Variants in PRKN observed in about 807,000 individuals in gnomAD.
PRKN encodes the protein E3 ubiquitin-protein ligase parkin.
PRKN carries 56 observed loss-of-function variants against 59.5 expected under a neutral mutation model. The observed-to-expected ratio is 0.94, with a 90% CI of 0.76 to 1.18. The LOEUF (loss-of-function observed/expected upper bound fraction) is 1.18, where lower values mean the gene tolerates loss of function less well. Ranked by LOEUF, PRKN falls within the 50% of genes most tolerant of loss-of-function variation. The probability of loss-of-function intolerance (pLI) is 0.00; values close to 1 mark genes in which losing one functional copy is unlikely to be tolerated. For synonymous variants in PRKN, 250 were observed against 222.1 expected, an observed-to-expected ratio of 1.13 and a Z score of -1.12; for missense variants, 657 against 596.4, an observed-to-expected ratio of 1.10 and a Z score of -1.06.
At chr6:161,863,150 ATTC>A (rs1793975431) in intron 6 of PRKN, among the ~76,000 whole-genome samples, 1 of 152,152 alleles carries the variant, frequency 6.6e-6, no homozygotes, top group Non-Finnish European at 1.5e-5. Flanking sequence ...GTTTTGGGAT[ATTC>A]TTCTCTATAA....
intron 1 of PRKN, among the ~76,000 whole-genome samples, chr6:162,634,608 T>C (rs1168521006): frequency 1.3e-5 from 2 of 152,050 alleles, no homozygotes; most frequent in African/African-American, 4.8e-5. Context: ...ACGAGAAGAG[T>C]GATGGACATT....
intron 4 of PRKN, among the ~76,000 whole-genome samples, chr6:162,173,244 T>C (rs984994997): frequency 6.6e-6 from 1 of 152,156 alleles, no homozygotes; most frequent in South Asian, 2.1e-4. Context: ...CTGGTCTTAC[T>C]ACAGTCATTG....
At chr6:162,600,789 T>G (rs764650601) in intron 1 of PRKN, among the ~76,000 whole-genome samples, 37 of 152,232 alleles carry the variant, frequency 2.4e-4, no homozygotes, top group Non-Finnish European at 4.3e-4. Flanking sequence ...CTATGGCCAT[T>G]TAAGATGCAC....
At chr6:161,416,818 C>T (rs1031527413) in intron 9 of PRKN, among the ~76,000 whole-genome samples, 2 of 152,266 alleles carry the variant, frequency 1.3e-5, no homozygotes, top group East Asian at 1.9e-4. Flanking sequence ...AACTGTCACC[C>T]GTCCTCCTGC....
intron 2 of PRKN, among the ~76,000 whole-genome samples, chr6:162,402,255 A>AG (rs1364369353): frequency 1.3e-5 from 2 of 152,076 alleles, no homozygotes; most frequent in East Asian, 3.9e-4. Flanking sequence ...TCTCAAAAAA[A>AG]AAAAAAAAAA....
chr6:161,734,055 A>G (rs888727468), intron 7 of PRKN, among the ~76,000 whole-genome samples: 1 of 151,630 alleles, frequency 6.6e-6, no homozygotes, highest in Admixed American at 6.6e-5. Context: ...AGTGTATCAT[A>G]AGGAAAGTTT....
intron 7 of PRKN, among the ~76,000 whole-genome samples, chr6:161,599,276 T>C (rs1261262040): frequency 6.6e-6 from 1 of 152,208 alleles, no homozygotes; most frequent in African/African-American, 2.4e-5. Context: ...AATGGATATA[T>C]TCTTGTGACT....
intron 7 of PRKN, among the ~76,000 whole-genome samples, chr6:161,662,768 C>G (rs1784592765): frequency 6.6e-6 from 1 of 152,080 alleles, no homozygotes; most frequent in Non-Finnish European, 1.5e-5. Flanking sequence ...GAAGGTAATA[C>G]AGAGTACAGG....
chr6:161,793,147 A>G (rs1391466965), intron 6 of PRKN, among the ~76,000 whole-genome samples: 1 of 152,232 alleles, frequency 6.6e-6, no homozygotes, highest in Non-Finnish European at 1.5e-5. Context: ...ACTAATTGAT[A>G]GACTCAACTT....
At chr6:162,014,271 T>G (rs993468298) in intron 5 of PRKN, among the ~76,000 whole-genome samples, 2 of 152,172 alleles carry the variant, frequency 1.3e-5, no homozygotes, top group African/African-American at 4.8e-5. Context: ...CCCTCCCACA[T>G]GGGATTCAGA....
intron 2 of PRKN, among the ~76,000 whole-genome samples, chr6:162,432,934 T>A (rs1230346293): frequency 2.0e-5 from 3 of 152,152 alleles, no homozygotes; most frequent in Non-Finnish European, 4.4e-5. Context: ...TAAACTCCAT[T>A]AGAATAGAAT....
chr6:162,214,743 C>A (rs970637721), intron 3 of PRKN, among the ~76,000 whole-genome samples: 2 of 152,078 alleles, frequency 1.3e-5, no homozygotes, highest in Non-Finnish European at 2.9e-5. Context: ...AAGATAGATC[C>A]CTAATTTCTC....
intron 9 of PRKN, among the ~76,000 whole-genome samples, chr6:161,404,096 G>T (rs1055886580): frequency 6.6e-6 from 1 of 152,020 alleles, no homozygotes; most frequent in Admixed American, 6.6e-5. Context: ...CCCAGGCCTG[G>T]GTTTGCTGTT....
At chr6:161,616,239 G>A (rs1193856801) in intron 7 of PRKN, among the ~76,000 whole-genome samples, 2 of 152,126 alleles carry the variant, frequency 1.3e-5, no homozygotes, top group Non-Finnish European at 2.9e-5. Context: ...TTTCATTTGC[G>A]AAAGCAACAC....
At chr6:161,782,631 T>C (rs112966905) in intron 7 of PRKN, among the ~76,000 whole-genome samples, 10,247 of 152,186 alleles carry the variant, frequency 0.067, 849 homozygotes, top group African/African-American at 0.2. Context: ...CAGTGGCTCA[T>C]GCCTGTAATC....
At chr6:162,384,462 C>A (rs1003383781) in intron 2 of PRKN, among the ~76,000 whole-genome samples, 2 of 152,034 alleles carry the variant, frequency 1.3e-5, no homozygotes, top group South Asian at 4.2e-4. Context: ...GGGAGCAGTT[C>A]ATCGCACTCC....
chr6:162,152,372 GA>G (rs1037113544), intron 4 of PRKN, among the ~76,000 whole-genome samples: 7 of 152,076 alleles, frequency 4.6e-5, no homozygotes, highest in African/African-American at 1.7e-4. Flanking sequence ...CACCCTTCCT[GA>G]ATAGCCTACC....
At chr6:161,999,474 G>GA (rs1781967927) in intron 5 of PRKN, among the ~76,000 whole-genome samples, 1 of 152,128 alleles carries the variant, frequency 6.6e-6, no homozygotes, top group Non-Finnish European at 1.5e-5. Context: ...AGCACAAGCA[G>GA]TGAATCCCCA....
chr6:162,095,100 C>T (rs1779670945), intron 4 of PRKN, among the ~76,000 whole-genome samples: 1 of 152,160 alleles, frequency 6.6e-6, no homozygotes, highest in Non-Finnish European at 1.5e-5. Flanking sequence ...CATCTTTCTA[C>T]TGGGTCTTCA....
Sources: allele counts gnomAD v4.1 joint callset (sites outside exome capture counted in the v4.1 genomes callset), GRCh38; gene constraint gnomAD v4.1.1; transcripts MANE v1.5; gene names NCBI Gene and HGNC (gene_info 2026-07-23, HGNC 2026-07-21).